WT1: variants seen among roughly 807,000 people sequenced by gnomAD.
WT1 encodes the protein Wilms tumor protein.
A neutral mutation model predicts 60.8 loss-of-function variants in WT1; 8 were observed. That is an observed-to-expected ratio of 0.13 (90% CI 0.08 to 0.24). The LOEUF (loss-of-function observed/expected upper bound fraction) is 0.24. WT1 is among the 10% of genes least tolerant of loss of function. The pLI is 1.00. For missense variants in WT1, 568 were observed against 711.8 expected (o/e 0.80, Z 2.30); for synonymous variants, 312 against 297.1 (o/e 1.05, Z -0.52).
At chr11:32,433,661 A>G (rs1251202815) in intron 1 of WT1, among the ~76,000 whole-genome samples, 1 of 152,254 alleles carries the variant, frequency 6.6e-6, no homozygotes, top group African/African-American at 2.4e-5. Context: ...AAATCCACTG[A>G]AAATAAATGA....
chr11:32,430,642 G>A, intron 1 of WT1: 1 of 1,512,528 alleles, frequency 6.6e-7, no homozygotes, highest in Non-Finnish European at 8.8e-7. Flanking sequence ...CCCGAGTCGC[G>A]GCACCCACTC....
rs1303677531 is a variant in WT1, at chr11:32,397,519, T to C, written c.1114-1112A>G. Reference sequence around the variant, plus strand: ...TTTTTTGGTAGAGATAGGGTCTCCCTATGTTGCTCAGGCTGGTCTCAAACT... The same window carrying C: ...TTTTTTGGTAGAGATAGGGTCTCCCCATGTTGCTCAGGCTGGTCTCAAACT... On this transcript the variant is annotated intron_variant, in intron 6 of 9. Coordinates refer to ENST00000452863, the MANE Select transcript of WT1 (RefSeq NM_024426.6). Among the ~76,000 whole-genome samples the C allele has an allele frequency of 2.0e-5, 3 of 147,920 alleles. No individual in the cohort carries two copies. In the East Asian group the frequency reaches 6.0e-4, roughly 30 times the overall value.
intron 5 of WT1, among the ~76,000 whole-genome samples, chr11:32,410,988 C>T (rs1385623718): frequency 1.3e-5 from 2 of 151,834 alleles, no homozygotes; most frequent in East Asian, 3.9e-4. Flanking sequence ...CAGAAGAGAT[C>T]AGGGATAGGA....
intron 5 of WT1, chr11:32,400,331 A>G: frequency 4.0e-6 from 2 of 497,964 alleles, no homozygotes; most frequent in Non-Finnish European, 7.4e-6. Context: ...CCACAGTGGC[A>G]GGGTTTCATC....
Position 32,434,773 on chromosome 11 carries a change from G to A in WT1, c.588C>T (p.Gly196=). ...GCGCGTTAGGAAACATCCTGGCCTG[G>A]CCGGATGACGCCTGGCTGGGCGGAG... Residue 196 remains glycine, a synonymous_variant, in exon 1 of 10, where the codon GGC becomes GGT. Coordinates refer to ENST00000452863, the MANE Select transcript of WT1 (RefSeq NM_024426.6). 1.2e-6 allele frequency: 2 copies of A among 1,612,690 alleles called. No homozygotes were observed. Among genetic ancestry groups the A allele is most frequent in the East Asian group, 2.2e-5 (1 of 44,866 alleles).
intron 7 of WT1, among the ~76,000 whole-genome samples, chr11:32,393,420 A>G (rs1231615132): frequency 6.6e-6 from 1 of 152,202 alleles, no homozygotes; most frequent in African/African-American, 2.4e-5. Context: ...TGTCCTCACT[A>G]GAGAAAGTTC....
rs575612883 is a variant in WT1 at position 32,415,500 on chromosome 11, T to A, written c.1016+990A>T. 2.6e-5 allele frequency among the ~76,000 whole-genome samples: 4 copies of A among 152,176 alleles called. No individual in the cohort carries two copies. In the South Asian group the frequency reaches 8.3e-4, roughly 32 times the overall value. ...CCCATCTCTACTAAAAATACAAAATTAGCCGGGCGTGGTGGCACATGCCTG... is the reference window on the plus strand; with the variant it reads ...CCCATCTCTACTAAAAATACAAAATAAGCCGGGCGTGGTGGCACATGCCTG... On this transcript the variant is annotated intron_variant, in intron 5 of 9. Transcript: ENST00000452863.
At position 32,400,035 on chromosome 11, in the gene WT1, T is replaced by G; in HGVS notation, c.1026A>C (p.Thr342=). ...TTGTGTGGTTATCGCTCTCGTACCC[T>G]GTGCTGTGGCTGCAAACACAAAGAA... The change falls in exon 6 of 10, where the codon ACA becomes ACC. Residue 342 remains threonine, a synonymous_variant. Transcript: ENST00000452863. 10 of 1,614,228 alleles carry G rather than the reference T, an allele frequency of 6.2e-6. No individual in the cohort carries two copies. The highest frequency in any genetic ancestry group is 8.5e-6 in the Non-Finnish European group (10 of 1,180,034).
chr11:32,411,529 T>C (rs560031984), intron 5 of WT1, among the ~76,000 whole-genome samples: 1 of 152,348 alleles, frequency 6.6e-6, no homozygotes, highest in African/African-American at 2.4e-5. Flanking sequence ...ATTATCATCA[T>C]AGTTTCATCT....
chr11:32,406,043 G>A (rs920881663), intron 5 of WT1, among the ~76,000 whole-genome samples: 12 of 152,206 alleles, frequency 7.9e-5, no homozygotes, highest in African/African-American at 2.9e-4. Context: ...GGGGTAGAGG[G>A]AAAGGACTAG....
At chr11:32,396,209 G>A (rs1409344377) in intron 7 of WT1, 48 bp downstream of exon 7, 1 of 1,613,000 alleles carries the variant, frequency 6.2e-7, no homozygotes, top group South Asian at 1.1e-5. Context: ...CCTGGAAAAG[G>A]AGCTCTTGAA....
intron 2 of WT1, 67 bp downstream of exon 2, chr11:32,428,430 T>C: frequency 6.2e-7 from 1 of 1,610,522 alleles, no homozygotes; most frequent in Non-Finnish European, 8.5e-7. Flanking sequence ...GGGTTAGGAA[T>C]TCCTGGGGGA....
At chr11:32,424,836 A>T (rs1852973247) in intron 3 of WT1, among the ~76,000 whole-genome samples, 1 of 152,178 alleles carries the variant, frequency 6.6e-6, no homozygotes, top group East Asian at 1.9e-4. Flanking sequence ...TTAATGTCAG[A>T]TCTGTACCAT....
intron 6 of WT1, 36 bp from the exon 7 acceptor site, chr11:32,396,443 G>A (rs1429503981): frequency 3.7e-6 from 6 of 1,610,538 alleles, no homozygotes; most frequent in Non-Finnish European, 5.1e-6. Context: ...GAGGCTTTAA[G>A]CCACATGTGA....
At chr11:32,429,819 G>C (rs968568344) in intron 1 of WT1, among the ~76,000 whole-genome samples, 17 of 151,916 alleles carry the variant, frequency 1.1e-4, no homozygotes, top group Non-Finnish European at 4.4e-5. Flanking sequence ...AGTAAATTGG[G>C]TCAAACAGCA....
chr11:32,430,722 T>G (rs2133087209), intron 1 of WT1: 1 of 1,382,696 alleles, frequency 7.2e-7, no homozygotes, highest in Non-Finnish European at 9.3e-7. Context: ...CTCCTAGGCC[T>G]CCTCCCAGAC....
chr11:32,430,792 C>G (rs75870920), intron 1 of WT1: 1 of 1,313,866 alleles, frequency 7.6e-7, no homozygotes. Flanking sequence ...CAGGTCCCCC[C>G]GGGAGGGGCA....
intron 2 of WT1, 78 bp from the exon 3 acceptor site, chr11:32,428,136 G>A: frequency 7.6e-7 from 1 of 1,308,460 alleles, no homozygotes; most frequent in Non-Finnish European, 1.1e-6. Flanking sequence ...GGGGTTGGGG[G>A]AGACACGAGA....
At chr11:32,390,029 G>T (rs1851770977) in intron 9 of WT1, among the ~76,000 whole-genome samples, 1 of 152,134 alleles carries the variant, frequency 6.6e-6, no homozygotes, top group South Asian at 2.1e-4. Context: ...CCACTCTACA[G>T]ATGAGGTAGG....
Sources: gnomAD v4.1 joint callset for allele counts (sites outside exome capture counted in the v4.1 genomes callset) on GRCh38, gnomAD v4.1.1 for gene constraint, MANE v1.5 for transcripts, NCBI Gene and HGNC (gene_info 2026-07-23, HGNC 2026-07-21) for gene names.